The following GLIS3 variants were observed in gnomAD, a reference collection of about 807,000 sequenced individuals.
The protein encoded by GLIS3 is zinc finger protein GLIS3.
GLIS3 carries 53 observed loss-of-function variants against 78.6 expected under a neutral mutation model. The ratio of observed to expected loss-of-function variants is 0.67; its 90% CI spans 0.54 to 0.85. GLIS3 has a LOEUF of 0.85. GLIS3 is among the 40% of genes least tolerant of loss of function. GLIS3 has a pLI of 0.00. For missense variants in GLIS3, 1,703 were observed against 1,231.1 expected, an observed-to-expected ratio of 1.38 and a Z score of -5.74; for synonymous variants, 684 against 509.9, an observed-to-expected ratio of 1.34 and a Z score of -4.60.
At chr9:4,413,563 T>C in the GLIS3 span, among the ~76,000 whole-genome samples, 9 of 152,250 alleles carry the variant, frequency 5.9e-5, no homozygotes, top group Admixed American at 3.3e-4. Flanking sequence ...ATCCTGCTTG[T>C]GGGTAATCAT....
intron 4 of GLIS3, among the ~76,000 whole-genome samples, chr9:4,064,312 A>C (rs1826907754): frequency 6.6e-6 from 1 of 152,172 alleles, no homozygotes; most frequent in East Asian, 1.9e-4. Flanking sequence ...TAAAAATATT[A>C]AGCTAAAGAA....
the GLIS3 span, among the ~76,000 whole-genome samples, chr9:4,355,310 T>C: frequency 4.6e-5 from 7 of 152,080 alleles, no homozygotes; most frequent in Admixed American, 1.3e-4. Context: ...TCAGGTTGGC[T>C]TTGTGTAAAC....
intron 2 of GLIS3, among the ~76,000 whole-genome samples, chr9:4,160,395 A>G (rs1325324663): frequency 1.3e-5 from 2 of 152,244 alleles, no homozygotes; most frequent in Non-Finnish European, 2.9e-5. Context: ...ACCAGTAAAA[A>G]TTCCAAAAGG....
chr9:4,153,193 C>G (rs1586822267), intron 2 of GLIS3, among the ~76,000 whole-genome samples: 1 of 152,182 alleles, frequency 6.6e-6, no homozygotes, highest in Non-Finnish European at 1.5e-5. Flanking sequence ...TCCTAATGGG[C>G]CTTTCCTTAT....
chr9:4,408,074 T>C, the GLIS3 span, among the ~76,000 whole-genome samples: 3 of 152,288 alleles, frequency 2.0e-5, no homozygotes, highest in Non-Finnish European at 2.9e-5. Flanking sequence ...AGATATCGTA[T>C]GACCCCAGTT....
At chr9:4,249,738 T>C (rs918390685) in intron 2 of GLIS3, among the ~76,000 whole-genome samples, 2 of 152,218 alleles carry the variant, frequency 1.3e-5, no homozygotes, top group Non-Finnish European at 2.9e-5. Context: ...CCATTCAGTA[T>C]GATATTGACT....
At chr9:4,434,913 G>A in the GLIS3 span, among the ~76,000 whole-genome samples, 4 of 152,106 alleles carry the variant, frequency 2.6e-5, no homozygotes, top group Non-Finnish European at 4.4e-5. Flanking sequence ...GATGTGATCC[G>A]GGCCACCAAT....
intron 4 of GLIS3, among the ~76,000 whole-genome samples, chr9:4,048,305 G>C (rs1825421489): frequency 1.3e-5 from 2 of 152,116 alleles, no homozygotes; most frequent in Non-Finnish European, 2.9e-5. Flanking sequence ...AACATGTTTA[G>C]CAGAAGATGG....
At chr9:4,484,009 A>G in the GLIS3 span, among the ~76,000 whole-genome samples, 5,121 of 152,304 alleles carry the variant, frequency 0.034, 295 homozygotes, top group African/African-American at 0.12. Flanking sequence ...CGCCTGGTAT[A>G]TAAGTGCTTT....
intron 2 of GLIS3, among the ~76,000 whole-genome samples, chr9:4,320,555 G>A (rs974725645): frequency 6.6e-6 from 1 of 151,662 alleles, no homozygotes; most frequent in African/African-American, 2.4e-5. Flanking sequence ...TCTCAAATCT[G>A]TCTGTTTCTC....
chr9:4,265,327 A>C (rs989558879), intron 2 of GLIS3, among the ~76,000 whole-genome samples: 2 of 151,894 alleles, frequency 1.3e-5, no homozygotes, highest in African/African-American at 4.8e-5. Context: ...CATTATACTA[A>C]AATTCTAGCA....
At chr9:4,127,370 T>C (rs1007338913) in intron 2 of GLIS3, among the ~76,000 whole-genome samples, 2 of 152,204 alleles carry the variant, frequency 1.3e-5, no homozygotes, top group Admixed American at 1.3e-4. Flanking sequence ...CCAAAAGAAA[T>C]TTCTCTGATT....
intron 2 of GLIS3, among the ~76,000 whole-genome samples, chr9:4,279,342 CACACACACACACACACACACAT>C (rs1301378917): frequency 6.2e-5 from 5 of 80,086 alleles, no homozygotes; most frequent in Non-Finnish European, 1.4e-4. Flanking sequence ...CACACACACA[CACACACACACACACACACACAT>C]AATACATATT....
rs116845277 is a variant in GLIS3, at chr9:4,312,119, T to C, written n.265-1591A>G. Among the ~76,000 whole-genome samples, 125 of 152,324 alleles carry C rather than the reference T, an allele frequency of 8.2e-4. 3 individuals carry two copies. The East Asian group carries it at 0.018, about 21-fold the overall frequency. On this transcript the variant is annotated intron_variant and non_coding_transcript_variant, in intron 2 of 4. Transcript: ENST00000471664. ...TACCTGTATAACAAACCTACACATG[T>C]ACCTCTGAACCTAAAATAAAAGTTT...
chr9:4,133,825 T>TACACACACAC (rs138728219), intron 2 of GLIS3, among the ~76,000 whole-genome samples: 2,022 of 121,680 alleles, frequency 0.017, 30 homozygotes, highest in Middle Eastern at 0.025. Flanking sequence ...CAAGACCTTC[T>TACACACACAC]ACACACACAC....
At chr9:4,058,403 C>T (rs10974307) in intron 4 of GLIS3, among the ~76,000 whole-genome samples, 35,652 of 151,664 alleles carry the variant, frequency 0.24, 5,177 homozygotes, top group South Asian at 0.43. Flanking sequence ...GCCTACTGAT[C>T]TCTTTGACTT....
chr9:4,118,650 C>A lies in GLIS3; in HGVS notation c.828G>T (p.Thr276=). The change falls in exon 4 of 11, where the codon ACG becomes ACT. Residue 276 remains threonine (T), a synonymous_variant. Transcript: ENST00000381971. The surrounding 1 kb of genome is among the most constrained non-coding windows in gnomAD (Gnocchi z 4.7). ...SNSLPSYLFG[T]ESSHSPYPSP... is the part of the protein sequence containing the mutation. ...TAGGGTAAGGAGAGTGGCTACTTTC[C>A]GTGCCAAAAAGGTAGGATGGTAATG... is the stretch of plus-strand genomic sequence containing the variant. 1 of 1,614,048 alleles carries A rather than the reference C, an allele frequency of 6.2e-7. No individual in the cohort carries two copies. The highest frequency in any genetic ancestry group is 8.5e-7 in the Non-Finnish European group (1 of 1,179,978).
intron 7 of GLIS3, among the ~76,000 whole-genome samples, chr9:3,888,068 C>A (rs773936401): frequency 3.4e-4 from 52 of 152,142 alleles, no homozygotes; most frequent in Non-Finnish European, 2.8e-4. Context: ...TGTGGGAAAT[C>A]TGTCATTTCC....
intron 7 of GLIS3, among the ~76,000 whole-genome samples, chr9:3,886,761 A>G (rs1822102199): frequency 6.6e-6 from 1 of 152,200 alleles, no homozygotes; most frequent in South Asian, 2.1e-4. Context: ...ATGCTCTCTG[A>G]ACCTAAATTC....
Sources: gnomAD v4.1 joint callset for allele counts (sites outside exome capture counted in the v4.1 genomes callset) on GRCh38, gnomAD v4.1.1 for gene constraint, Gnocchi (gnomAD v3.1) non-coding constraint, MANE v1.5 for transcripts, NCBI Gene and HGNC (gene_info 2026-07-23, HGNC 2026-07-21) for gene names.